PCDHGA9: variants seen among roughly 807,000 people sequenced by gnomAD.
PCDHGA9 encodes protocadherin gamma subfamily A, 9.
In PCDHGA9, 37 loss-of-function variants were observed where a neutral mutation model predicts 62.5. The ratio of observed to expected loss-of-function variants is 0.59; its 90% CI spans 0.46 to 0.78. The LOEUF is 0.78. Among genes scored for constraint, PCDHGA9 ranks in the 30% least tolerant of loss-of-function variants. PCDHGA9 has a pLI of 0.00. For synonymous variants in PCDHGA9, 459 were observed against 484.6 expected, an observed-to-expected ratio of 0.95 and a Z score of 0.69; for missense variants, 1,138 against 1,166.2, an observed-to-expected ratio of 0.98 and a Z score of 0.35.
intron 1 of PCDHGA9, among the ~76,000 whole-genome samples, chr5:141,434,225 G>A (rs1591320318): frequency 6.6e-6 from 1 of 152,146 alleles, no homozygotes; most frequent in African/African-American, 2.4e-5. Flanking sequence ...AACAAAGTAC[G>A]ATTTCTGGAC....
intron 1 of PCDHGA9, chr5:141,428,120 C>T (rs756805763): frequency 3.7e-6 from 6 of 1,606,528 alleles, no homozygotes; most frequent in East Asian, 4.5e-5. Flanking sequence ...CCATCGAGCC[C>T]GGGCTTTTCA....
intron 1 of PCDHGA9, among the ~76,000 whole-genome samples, chr5:141,449,978 T>A (rs1025332419): frequency 6.6e-6 from 1 of 151,030 alleles, no homozygotes; most frequent in Non-Finnish European, 1.5e-5. Context: ...GTCCAAAATA[T>A]CACACATTGC....
intron 1 of PCDHGA9, 161 bp downstream of exon 1, chr5:141,405,537 A>G (rs2094682119): frequency 3.1e-6 from 2 of 643,630 alleles, no homozygotes; most frequent in Middle Eastern, 4.2e-4. Context: ...CTCCTGCCTC[A>G]GCCTCCCAAG....
intron 1 of PCDHGA9, among the ~76,000 whole-genome samples, chr5:141,456,668 T>G (rs2098874996): frequency 1.3e-5 from 2 of 152,254 alleles, no homozygotes; most frequent in Admixed American, 6.5e-5. Context: ...ATGTTTCATT[T>G]AAAAATGCAT....
intron 1 of PCDHGA9, chr5:141,422,052 C>T: frequency 6.2e-7 from 1 of 1,611,298 alleles, no homozygotes; most frequent in Non-Finnish European, 8.5e-7. Flanking sequence ...AGGGAATCAA[C>T]GGGGAAGTAA....
intron 1 of PCDHGA9, chr5:141,441,780 C>A: frequency 2.6e-6 from 1 of 391,236 alleles, no homozygotes. Flanking sequence ...GGTGGACGAC[C>A]TGAATGACAA....
At position 141,477,758 on chromosome 5, in the gene PCDHGA9, G is replaced by A; in HGVS notation, c.2425-17049G>A. 2 of 1,613,924 alleles carry A rather than the reference G, an allele frequency of 1.2e-6. No homozygotes were observed. The highest frequency in any genetic ancestry group is 1.7e-5 in the Admixed American group (1 of 60,022). On this transcript the variant is annotated intron_variant, in intron 1 of 3. Transcript: ENST00000573521. The surrounding 1 kb of genome is among the most constrained non-coding windows in gnomAD (Gnocchi z 4.9). ...CAGCGATGGGGGCACCCCGGTCCTA[G>A]CCACCAACATCAGCGTGAACATATT...
At position 141,491,154 on chromosome 5, in the gene PCDHGA9, C is replaced by T. The variant is rs773308291; in HGVS notation, c.2425-3653C>T. ...CAGCCCGGGCCTTACTGGAGGATGACTCTGACACCCAGCAGGTGGTGGTCC... is the reference window on the plus strand; with the variant it reads ...CAGCCCGGGCCTTACTGGAGGATGATTCTGACACCCAGCAGGTGGTGGTCC... On this transcript the variant is annotated intron_variant, in intron 1 of 3. Coordinates refer to ENST00000573521, the MANE Select transcript of PCDHGA9 (RefSeq NM_018921.3). The surrounding 1 kb of genome is among the most constrained non-coding windows in gnomAD (Gnocchi z 6.9). The T allele has an allele frequency of 6.2e-7, 1 of 1,614,162 alleles. No homozygotes were observed. The highest frequency in any genetic ancestry group is 1.7e-5 in the Admixed American group (1 of 60,026).
At chr5:141,446,263 C>T (rs2098496356) in intron 1 of PCDHGA9, among the ~76,000 whole-genome samples, 1 of 152,010 alleles carries the variant, frequency 6.6e-6, no homozygotes, top group East Asian at 1.9e-4. Flanking sequence ...ATATTATTAA[C>T]TGAATAAATA....
Position 141,486,817 on chromosome 5 carries a change from T to A in PCDHGA9, c.2425-7990T>A, listed in dbSNP as rs143638501. On this transcript the variant is annotated intron_variant, in intron 1 of 3. Transcript: ENST00000573521. The surrounding 1 kb of genome is among the most constrained non-coding windows in gnomAD (Gnocchi z 5.0). ...GGGGCAACCCACCCCTTAGCAGCAC[T>A]GTAACAGTTCGTCTATTTGTGCTGG... 1 of 1,614,102 alleles carries A rather than the reference T, an allele frequency of 6.2e-7. No homozygotes were observed. Among genetic ancestry groups the A allele is most frequent in the East Asian group, 2.2e-5 (1 of 44,898 alleles).
In PCDHGA9 at chr5:141,432,122, G is replaced by C; in HGVS notation, c.2424+26746G>C. On this transcript the variant is annotated intron_variant, in intron 1 of 3. Transcript: ENST00000573521. This position sits in a 1 kb window ranked among gnomAD's most constrained non-coding sequence, Gnocchi z 6.0. ...CGACAACCCGCCGGTCTTCCCTCAG[G>C]CCTCCTATTCCGCTTATATCCCAGA... 6.2e-7 allele frequency: 1 copy of C among 1,614,052 alleles called. No homozygotes were observed. Among genetic ancestry groups the C allele is most frequent in the Non-Finnish European group, 8.5e-7 (1 of 1,180,022 alleles).
In PCDHGA9 at chr5:141,494,849, A is replaced by C; in HGVS notation, c.2467A>C (p.Arg823=). ...NTDWRFSQAQ[R]PGTSGSQNGD... ...GGACTGGCGTTTCTCTCAGGCCCAG[A>C]GACCCGGCACCAGCGGGTAGGTGAC... Residue 823 remains arginine, a synonymous_variant, in exon 2 of 4, where the codon AGA becomes CGA. Transcript: ENST00000573521. 1 of 1,614,102 alleles carries C rather than the reference A, an allele frequency of 6.2e-7. No individual in the cohort carries two copies. Among genetic ancestry groups the C allele is most frequent in the Non-Finnish European group, 8.5e-7 (1 of 1,180,014 alleles).
intron 1 of PCDHGA9, chr5:141,409,177 T>C: frequency 3.1e-6 from 5 of 1,613,944 alleles, no homozygotes; most frequent in Non-Finnish European, 4.2e-6. Context: ...AGGACGGAGG[T>C]GGTCTCTCTA....
rs2154555227 is a variant in PCDHGA9, at chr5:141,432,737, C to G, written c.2424+27361C>G. ...GCCCCCTCTCTCCGCCACTGTCACG[C>G]TCACCGTGGCCGTGGCCGACAGCAT... On this transcript the variant is annotated intron_variant, in intron 1 of 3. Coordinates refer to ENST00000573521, the MANE Select transcript of PCDHGA9 (RefSeq NM_018921.3). This position sits in a 1 kb window ranked among gnomAD's most constrained non-coding sequence, Gnocchi z 6.0. 6.2e-7 allele frequency: 1 copy of G among 1,614,110 alleles called. No homozygotes were observed. The highest frequency in any genetic ancestry group is 8.5e-7 in the Non-Finnish European group (1 of 1,180,002).
Position 141,422,497 on chromosome 5 carries a change from A to G in PCDHGA9, c.2424+17121A>G, listed in dbSNP as rs1257927470. 1.9e-6 allele frequency: 3 copies of G among 1,613,874 alleles called. No homozygotes were observed. In the African/African-American group the frequency reaches 4.0e-5, roughly 22 times the overall value. On this transcript the variant is annotated intron_variant, in intron 1 of 3. Transcript: ENST00000573521. Reference sequence around the variant, plus strand: ...GGTCCAGAGCTACAATATAACGTTGACAGCCACAGACCAGGGAAGCCCGCC... The same window carrying G: ...GGTCCAGAGCTACAATATAACGTTGGCAGCCACAGACCAGGGAAGCCCGCC...
intron 1 of PCDHGA9, chr5:141,426,987 G>C (rs867397302): frequency 1.3e-5 from 6 of 456,602 alleles, no homozygotes; most frequent in African/African-American, 1.2e-4. Context: ...TGATGCCAAC[G>C]ATAATGCCCC....
intron 1 of PCDHGA9, among the ~76,000 whole-genome samples, chr5:141,469,599 A>G (rs2099206392): frequency 6.6e-6 from 1 of 152,192 alleles, no homozygotes; most frequent in Non-Finnish European, 1.5e-5. Flanking sequence ...ATAAAACAAA[A>G]TAAGTAAAAT....
intron 1 of PCDHGA9, chr5:141,419,596 G>T: frequency 6.2e-7 from 1 of 1,611,682 alleles, no homozygotes; most frequent in Non-Finnish European, 8.5e-7. Flanking sequence ...ACACAGTGCC[G>T]CGGGCCGCGC....
At position 141,402,981 on chromosome 5, in the gene PCDHGA9, G is replaced by A. The variant is rs375892904; in HGVS notation, c.29G>A (p.Arg10His). The A allele has an allele frequency of 1.2e-6, 2 of 1,608,410 alleles. No homozygotes were observed. The highest frequency in any genetic ancestry group is 1.7e-6 in the Non-Finnish European group (2 of 1,177,294). MAAPTKCQL[R>H]GRLVLLCSLL... is the part of the protein sequence containing the mutation. Reference sequence around the variant, plus strand: ...GCAGCTCCAACCAAATGCCAGCTCCGCGGAAGATTAGTCCTGCTATGCTCG... The same window carrying A: ...GCAGCTCCAACCAAATGCCAGCTCCACGGAAGATTAGTCCTGCTATGCTCG... The change falls in exon 1 of 4, where the codon CGC (arginine) becomes CAC (histidine). Residue 10 changes from arginine to histidine, a missense_variant. By Grantham distance (29) the Arg-to-His change is conservative. Transcript: ENST00000573521.
Sources: gnomAD v4.1 joint callset for allele counts (sites outside exome capture counted in the v4.1 genomes callset) on GRCh38, gnomAD v4.1.1 for gene constraint, Gnocchi (gnomAD v3.1) non-coding constraint, MANE v1.5 for transcripts, NCBI Gene and HGNC (gene_info 2026-07-23, HGNC 2026-07-21) for gene names.